The following MAPRE1 variants were observed in gnomAD, a reference collection of about 807,000 sequenced individuals.
The protein encoded by MAPRE1 is microtubule-associated protein RP/EB family member 1.
In MAPRE1, 5 loss-of-function variants were observed where a neutral mutation model predicts 32.1. That is an observed-to-expected ratio of 0.16 (90% CI 0.08 to 0.33). MAPRE1 has a LOEUF of 0.33. Ranked by LOEUF, MAPRE1 falls within the 10% of genes least tolerant of loss-of-function variation. The pLI is 1.00. For synonymous variants in MAPRE1, 122 were observed against 118.9 expected (o/e 1.03, Z -0.17); for missense variants, 209 against 327.2 (o/e 0.64, Z 2.79).
chr20:32,834,811 G>T (rs1601165906), intron 3 of MAPRE1, among the ~76,000 whole-genome samples: 1 of 152,052 alleles, frequency 6.6e-6, no homozygotes, highest in Non-Finnish European at 1.5e-5. Flanking sequence ...TAATAATAGT[G>T]TATAAACAAT....
chr20:32,839,611 T>C (rs1983298640), intron 4 of MAPRE1, 124 bp from the exon 5 acceptor site: 4 of 1,340,204 alleles, frequency 3.0e-6, no homozygotes, highest in African/African-American at 1.5e-5. Flanking sequence ...TCTCTAGCAT[T>C]GGTTCCCTTC....
At chr20:32,842,352 T>C (rs1226473296) in intron 5 of MAPRE1, among the ~76,000 whole-genome samples, 1 of 152,244 alleles carries the variant, frequency 6.6e-6, no homozygotes, top group East Asian at 1.9e-4. Context: ...CCTAAAGTGC[T>C]AGCATTACAG....
intron 3 of MAPRE1, 57 bp from the exon 4 acceptor site, chr20:32,836,577 G>A: frequency 9.8e-7 from 1 of 1,023,820 alleles, no homozygotes; most frequent in South Asian, 1.4e-5. Flanking sequence ...GCATGGACTA[G>A]TTTGATGCTT....
chr20:32,836,493 A>G, intron 3 of MAPRE1, 141 bp from the exon 4 acceptor site: 1 of 591,906 alleles, frequency 1.7e-6, no homozygotes, highest in Non-Finnish European at 3.0e-6. Context: ...CTTGCTTTAT[A>G]AATTTAGGGG....
intron 1 of MAPRE1, among the ~76,000 whole-genome samples, chr20:32,820,800 C>CT (rs1268096085): frequency 2.7e-5 from 4 of 145,930 alleles, no homozygotes; most frequent in Non-Finnish European, 4.7e-5. Context: ...CAGGGCAGAG[C>CT]TTGACCTCTG....
intron 5 of MAPRE1, among the ~76,000 whole-genome samples, chr20:32,845,027 GT>G (rs1568883588): frequency 2.0e-5 from 3 of 151,706 alleles, no homozygotes; most frequent in African/African-American, 7.3e-5. Context: ...ATGTATGTAT[GT>G]ATGTATGAAT....
intron 5 of MAPRE1, among the ~76,000 whole-genome samples, chr20:32,844,327 C>T (rs551063614): frequency 8.7e-5 from 13 of 149,680 alleles, no homozygotes; most frequent in Admixed American, 6.0e-4. Flanking sequence ...ACCCAGAAGG[C>T]TGGGTATCTG....
rs1414888469 is a variant in MAPRE1, at chr20:32,850,255, A to G, written c.*1527A>G. ...CAAGTAACTAGCCATTGTTCAAATG[A>G]CAGTGGTGCTATTTCTCTTTTGTGG... On this transcript the variant is annotated 3_prime_UTR_variant, in exon 7 of 7. Coordinates refer to ENST00000375571, the MANE Select transcript of MAPRE1 (RefSeq NM_012325.3). The G allele has an allele frequency of 6.5e-6, 1 of 152,680 alleles. No individual in the cohort carries two copies. The highest frequency in any genetic ancestry group is 1.5e-5 in the Non-Finnish European group (1 of 68,042). The allele number at this position is 152,680 out of a possible 1,614,324, so 9.5% of individuals were successfully genotyped here.
chr20:32,821,178 G>C (rs1246213738), intron 1 of MAPRE1, among the ~76,000 whole-genome samples: 1 of 152,154 alleles, frequency 6.6e-6, no homozygotes, highest in Non-Finnish European at 1.5e-5. Flanking sequence ...ACCAAGCCCG[G>C]CTAATTGTTG....
At chr20:32,846,571 T>A in intron 5 of MAPRE1, 47 bp from the exon 6 acceptor site, 1 of 1,584,546 alleles carries the variant, frequency 6.3e-7, no homozygotes, top group Non-Finnish European at 8.7e-7. Context: ...GATATTTTAT[T>A]GCCATACTAA....
Position 32,846,716 on chromosome 20 carries a change from G to A in MAPRE1, c.696G>A (p.Glu232=). 1 of 1,614,194 alleles carries A rather than the reference G, an allele frequency of 6.2e-7. No homozygotes were observed. The highest frequency in any genetic ancestry group is 1.1e-5 in the South Asian group (1 of 91,086). ...RNIELICQEN[E]GENDPVLQRI... is the part of the protein sequence containing the mutation. ...TTGAATTGATTTGCCAGGAGAACGA[G>A]GGGGAAAACGACCCTGTATTGCAGA... The change falls in exon 6 of 7, where the codon GAG becomes GAA. Residue 232 remains glutamate, a synonymous_variant. Coordinates refer to ENST00000375571, the MANE Select transcript of MAPRE1 (RefSeq NM_012325.3).
chr20:32,839,301 G>C (rs943035668), intron 4 of MAPRE1, among the ~76,000 whole-genome samples: 2 of 152,212 alleles, frequency 1.3e-5, no homozygotes, highest in Non-Finnish European at 2.9e-5. Context: ...GTTTGCCTTT[G>C]CTCTACGAAG....
At chr20:32,830,110 C>T (rs1982975715) in intron 2 of MAPRE1, among the ~76,000 whole-genome samples, 1 of 152,116 alleles carries the variant, frequency 6.6e-6, no homozygotes. Flanking sequence ...ATTCGGCTCT[C>T]CCCTTCTCCT....
chr20:32,847,291 T>C (rs559493674), intron 6 of MAPRE1, among the ~76,000 whole-genome samples: 1 of 152,364 alleles, frequency 6.6e-6, no homozygotes, highest in African/African-American at 2.4e-5. Flanking sequence ...TCCATGTTTA[T>C]TGCACAGTCA....
intron 1 of MAPRE1, 121 bp downstream of exon 1, chr20:32,820,149 C>T (rs1317800226): frequency 1.4e-5 from 2 of 146,808 alleles, no homozygotes; most frequent in African/African-American, 5.1e-5. Context: ...CGGTGCTGTT[C>T]GAGCCGGGTG....
chr20:32,832,638 T>A (rs987185671), intron 2 of MAPRE1, among the ~76,000 whole-genome samples: 3 of 151,876 alleles, frequency 2.0e-5, no homozygotes, highest in African/African-American at 7.3e-5. Flanking sequence ...AAGCTAATTT[T>A]GGTATTTTTT....
intron 4 of MAPRE1, among the ~76,000 whole-genome samples, chr20:32,839,096 CCTT>C (rs1456238828): frequency 2.6e-5 from 4 of 152,118 alleles, no homozygotes; most frequent in Non-Finnish European, 5.9e-5. Context: ...CTTCTAAACT[CCTT>C]CTAAAAGGTA....
At chr20:32,841,755 C>CT (rs1294357394) in intron 5 of MAPRE1, among the ~76,000 whole-genome samples, 1 of 152,100 alleles carries the variant, frequency 6.6e-6, no homozygotes, top group African/African-American at 2.4e-5. Context: ...AGGAGTGTCT[C>CT]TGTCAGTTAA....
intron 1 of MAPRE1, among the ~76,000 whole-genome samples, chr20:32,820,964 C>T (rs978168925): frequency 6.6e-6 from 1 of 151,580 alleles, no homozygotes; most frequent in Non-Finnish European, 1.5e-5. Flanking sequence ...CTGTTAAGTG[C>T]TCCATGTGGC....
Sources: gnomAD v4.1 joint callset for allele counts (sites outside exome capture counted in the v4.1 genomes callset) on GRCh38, gnomAD v4.1.1 for gene constraint, MANE v1.5 for transcripts, NCBI Gene and HGNC (gene_info 2026-07-23, HGNC 2026-07-21) for gene names.